Variants in HSPA12A observed in about 807,000 individuals in gnomAD.
The protein encoded by HSPA12A is heat shock 70 kDa protein 12A.
Under a neutral mutation model 69.2 loss-of-function variants are expected in HSPA12A, and 28 were observed. That is an observed-to-expected ratio of 0.40 (90% confidence interval 0.30 to 0.55). The LOEUF (loss-of-function observed/expected upper bound fraction) is 0.55, where lower values mean the gene tolerates loss of function less well. Among genes scored for constraint, HSPA12A ranks in the 20% least tolerant of loss-of-function variants. The pLI is 0.38. For synonymous variants in HSPA12A, 345 were observed against 370.5 expected (o/e 0.93, Z 0.79); for missense variants, 686 against 900.7 (o/e 0.76, Z 3.05).
chr10:116,847,140 G>A (rs1031030928), intron 1 of HSPA12A, among the ~76,000 whole-genome samples: 1 of 151,970 alleles, frequency 6.6e-6, no homozygotes, highest in Non-Finnish European at 1.5e-5. Context: ...GCATCATATC[G>A]CCTCCATCAA....
At position 116,712,977 on chromosome 10, in the gene HSPA12A, AATATATATATATATAT is replaced by A. The variant is rs56007651; in HGVS notation, c.41-5708_41-5693del. 4.2e-4 allele frequency among the ~76,000 whole-genome samples: 34 copies of A among 80,848 alleles called. 4 individuals carry two copies. The East Asian group carries it at 4.5e-3, about 11-fold the overall frequency. 53.0% of individuals were successfully genotyped at this position (80,848 alleles called of 152,430 possible). On this transcript the variant is annotated intron_variant, in intron 1 of 11. Coordinates refer to ENST00000369209, the MANE Select transcript of HSPA12A (RefSeq NM_025015.3). The stretch of plus-strand genomic sequence containing the variant: ...TGGTACTTATGATTTTAAAAAATGC[AATATATATATATATAT>A]ATATATATATATATATATTTGCATT...
At chr10:116,758,044 A>G (rs568865730) in intron 2 of HSPA12A, among the ~76,000 whole-genome samples, 1 of 152,324 alleles carries the variant, frequency 6.6e-6, no homozygotes, top group South Asian at 2.1e-4. Flanking sequence ...TTCAATAAGT[A>G]ACATGTTTTT....
At chr10:116,692,696 G>C (rs1554880310) in intron 5 of HSPA12A, among the ~76,000 whole-genome samples, 1 of 152,182 alleles carries the variant, frequency 6.6e-6, no homozygotes, top group African/African-American at 2.4e-5. Context: ...GCTGGAGAAA[G>C]GAGGATCAGA....
chr10:116,749,593 C>T (rs987206945), intron 2 of HSPA12A, among the ~76,000 whole-genome samples: 2 of 152,206 alleles, frequency 1.3e-5, no homozygotes, highest in Admixed American at 1.3e-4. Context: ...TGGCACATGG[C>T]AGGGCCTCAA....
intron 2 of HSPA12A, among the ~76,000 whole-genome samples, chr10:116,763,445 A>T (rs1554889471): frequency 1.3e-5 from 2 of 152,240 alleles, no homozygotes; most frequent in East Asian, 1.9e-4. Context: ...TACTGCTCAC[A>T]TTCTGATAGT....
intron 1 of HSPA12A, among the ~76,000 whole-genome samples, chr10:116,835,943 A>G (rs1845701319): frequency 6.6e-6 from 1 of 152,168 alleles, no homozygotes; most frequent in African/African-American, 2.4e-5. Flanking sequence ...GGGCAGAAAG[A>G]GAGTGAAAAT....
intron 1 of HSPA12A, among the ~76,000 whole-genome samples, chr10:116,836,318 G>C (rs1845709756): frequency 6.6e-6 from 1 of 152,156 alleles, no homozygotes; most frequent in Non-Finnish European, 1.5e-5. Flanking sequence ...AACAGCTACA[G>C]GGGAGGGGGT....
intron 3 of HSPA12A, among the ~76,000 whole-genome samples, chr10:116,703,126 T>G (rs926791722): frequency 6.6e-6 from 1 of 152,190 alleles, no homozygotes; most frequent in Non-Finnish European, 1.5e-5. Context: ...TCTGGCTAAA[T>G]GGAAAGAGAT....
At position 116,683,936 on chromosome 10, in the gene HSPA12A, C is replaced by T. The variant is rs367858782; in HGVS notation, c.690G>A (p.Ser230=). 2.4e-5 allele frequency: 38 copies of T among 1,581,700 alleles called. No individual in the cohort carries two copies. Among genetic ancestry groups the T allele is most frequent in the African/African-American group, 8.1e-5 (6 of 74,332 alleles). ...YQAGLASPEN[S]EQLIIALEPE... ...GCTCCAAGGCAATGATGAGCTGCTC[C>T]GAGTTCTCGGGGGAGGCCAGGCCTG... is the stretch of plus-strand genomic sequence containing the variant. The change falls in exon 7 of 12, where the codon TCG becomes TCA. Residue 230 remains serine (S), a synonymous_variant. Coordinates refer to ENST00000369209, the MANE Select transcript of HSPA12A (RefSeq NM_025015.3).
chr10:116,849,917 A>G (rs1020913172), upstream of HSPA12A: 1 of 752,130 alleles, frequency 1.3e-6, no homozygotes, highest in Non-Finnish European at 2.3e-6. Flanking sequence ...GGGTGAAGGG[A>G]TCTCCCCAGA....
At chr10:116,722,893 GGGAA>G (rs1346206478) in intron 1 of HSPA12A, among the ~76,000 whole-genome samples, 3 of 152,146 alleles carry the variant, frequency 2.0e-5, no homozygotes, top group Non-Finnish European at 4.4e-5. Context: ...AAGGGGGTGG[GGGAA>G]GGTAGCTCCA....
intron 2 of HSPA12A, among the ~76,000 whole-genome samples, chr10:116,750,999 A>AG (rs1467677024): frequency 6.6e-6 from 1 of 151,598 alleles, no homozygotes; most frequent in Non-Finnish European, 1.5e-5. Flanking sequence ...GAGGAGGAAG[A>AG]GGAAGAACAT....
At chr10:116,757,351 C>T (rs2133096052) in intron 2 of HSPA12A, among the ~76,000 whole-genome samples, 1 of 152,308 alleles carries the variant, frequency 6.6e-6, no homozygotes, top group East Asian at 1.9e-4. Flanking sequence ...CCCTCCAGGT[C>T]CAAGTGACAG....
intron 8 of HSPA12A, 36 bp from the exon 9 acceptor site, chr10:116,681,292 T>C: frequency 6.4e-7 from 1 of 1,551,836 alleles, no homozygotes; most frequent in Non-Finnish European, 8.9e-7. Context: ...CACAGACTGT[T>C]TGCCAACCCC....
At chr10:116,826,253 C>T (rs1007892739) in intron 2 of HSPA12A, among the ~76,000 whole-genome samples, 3 of 152,148 alleles carry the variant, frequency 2.0e-5, no homozygotes, top group African/African-American at 4.8e-5. Flanking sequence ...TTCCATCTGT[C>T]GTGACATATT....
intron 1 of HSPA12A, among the ~76,000 whole-genome samples, chr10:116,740,961 TAAAAAAAAAAAAA>T (rs5788190): frequency 2.4e-5 from 2 of 84,708 alleles, no homozygotes; most frequent in Non-Finnish European, 4.3e-5. Flanking sequence ...AGGAAAAAAG[TAAAAAAAAAAAAA>T]AAAAAAAAAA....
At chr10:116,712,513 T>C (rs1850466935) in intron 1 of HSPA12A, among the ~76,000 whole-genome samples, 1 of 152,206 alleles carries the variant, frequency 6.6e-6, no homozygotes, top group African/African-American at 2.4e-5. Context: ...GCAGGCTTCA[T>C]CTGGGTTCCT....
In HSPA12A at chr10:116,834,909, C is replaced by T. The variant is rs1845682127; in HGVS notation, c.91+26G>A. 2.5e-6 allele frequency: 3 copies of T among 1,191,544 alleles called. No individual in the cohort carries two copies. The African/African-American group carries it at 4.7e-5, about 19-fold the overall frequency. The allele number at this position is 1,191,544 out of a possible 1,614,324, so 73.8% of individuals were successfully genotyped here. A position where few individuals can be genotyped will look rare whatever the true frequency, so the allele number is the denominator to read the frequency against. The stretch of plus-strand genomic sequence containing the variant: ...AGTTATTTCAGATGCCAGTTTGATA[C>T]TTACACACATTAGTTAATTTCCTAC... On this transcript the variant is annotated intron_variant, in intron 2 of 12. Transcript: ENST00000635765.
chr10:116,763,885 CT>C (rs1288746410), intron 2 of HSPA12A, among the ~76,000 whole-genome samples: 4 of 152,092 alleles, frequency 2.6e-5, no homozygotes, highest in African/African-American at 9.7e-5. Context: ...GCACAGCAGG[CT>C]TTTGTGGAGA....
Sources: gnomAD v4.1 joint callset for allele counts (sites outside exome capture counted in the v4.1 genomes callset) on GRCh38, gnomAD v4.1.1 for gene constraint, MANE v1.5 for transcripts, NCBI Gene and HGNC (gene_info 2026-07-23, HGNC 2026-07-21) for gene names.